The following MCC variants were observed in gnomAD, a reference collection of about 807,000 sequenced individuals.
MCC encodes colorectal mutant cancer protein.
Under a neutral mutation model 116.2 loss-of-function variants are expected in MCC, and 90 were observed. The ratio of observed to expected loss-of-function variants is 0.77; its 90% CI spans 0.65 to 0.92. The LOEUF (loss-of-function observed/expected upper bound fraction) is 0.92, where lower values mean the gene tolerates loss of function less well. Ranked by LOEUF, MCC falls within the 40% of genes least tolerant of loss-of-function variation. MCC has a pLI of 0.00. For missense variants in MCC, 1,516 were observed against 1,312.2 expected (o/e 1.16, Z -2.40); for synonymous variants, 578 against 510.5 (o/e 1.13, Z -1.78).
intron 3 of MCC, among the ~76,000 whole-genome samples, chr5:113,309,142 C>G (rs1352100696): frequency 1.3e-5 from 2 of 152,222 alleles, no homozygotes; most frequent in African/African-American, 4.8e-5. Context: ...TCAACATCCC[C>G]CAACTCCTTT....
intron 2 of MCC, among the ~76,000 whole-genome samples, chr5:113,372,612 A>T (rs897344866): frequency 1.3e-5 from 2 of 152,226 alleles, no homozygotes; most frequent in African/African-American, 4.8e-5. Flanking sequence ...AATAGAATAT[A>T]ACATCATAAG....
intron 1 of MCC, among the ~76,000 whole-genome samples, chr5:113,446,061 T>G (rs1312505163): frequency 3.3e-5 from 5 of 152,240 alleles, no homozygotes; most frequent in Non-Finnish European, 7.3e-5. Context: ...AGAATTCAAC[T>G]GAACCCCTAC....
intron 5 of MCC, among the ~76,000 whole-genome samples, chr5:113,126,329 A>G (rs1758050264): frequency 6.6e-6 from 1 of 152,230 alleles, no homozygotes; most frequent in South Asian, 2.1e-4. Context: ...AGCCAGGACC[A>G]CTACCTTTAT....
intron 1 of MCC, among the ~76,000 whole-genome samples, chr5:113,480,297 T>A (rs898693761): frequency 6.6e-6 from 1 of 152,238 alleles, no homozygotes; most frequent in Non-Finnish European, 1.5e-5. Context: ...ATTTCACTGA[T>A]AACTTCAGTT....
At chr5:113,426,082 C>T (rs1207439252) in intron 1 of MCC, among the ~76,000 whole-genome samples, 1 of 152,060 alleles carries the variant, frequency 6.6e-6, no homozygotes, top group Non-Finnish European at 1.5e-5. Context: ...GTTTCCAAGG[C>T]AGGCAGCCAG....
chr5:113,256,102 CCAAA>C (rs1278972201), intron 3 of MCC, among the ~76,000 whole-genome samples: 1 of 152,126 alleles, frequency 6.6e-6, no homozygotes, highest in Admixed American at 6.6e-5. Context: ...TCACCACACC[CCAAA>C]CAAATTGAAT....
chr5:113,170,702 TTATTA>T (rs1433952503), intron 3 of MCC, among the ~76,000 whole-genome samples: 1 of 152,302 alleles, frequency 6.6e-6, no homozygotes, highest in Middle Eastern at 3.4e-3. Context: ...CTAACATACT[TTATTA>T]TGTTTGCCTC....
chr5:113,186,680 A>G (rs1470144815), intron 3 of MCC, among the ~76,000 whole-genome samples: 5 of 152,120 alleles, frequency 3.3e-5, no homozygotes, highest in African/African-American at 1.2e-4. Context: ...ACTAGAGAAA[A>G]CATCTACCTA....
intron 3 of MCC, among the ~76,000 whole-genome samples, chr5:113,189,379 G>C (rs764428597): frequency 1.3e-5 from 2 of 152,200 alleles, no homozygotes; most frequent in Non-Finnish European, 2.9e-5. Flanking sequence ...TTAAACAGAA[G>C]AGAATGCTGC....
chr5:113,091,285 A>T (rs1280002071), intron 8 of MCC, among the ~76,000 whole-genome samples: 1 of 152,242 alleles, frequency 6.6e-6, no homozygotes, highest in Non-Finnish European at 1.5e-5. Context: ...ACTGCCTCAG[A>T]AACTGCCTAA....
intron 3 of MCC, among the ~76,000 whole-genome samples, chr5:113,173,348 A>G (rs187366859): frequency 1.3e-5 from 2 of 152,290 alleles, no homozygotes; most frequent in East Asian, 3.9e-4. Flanking sequence ...TGTACTTTTC[A>G]TTTATTGTTT....
chr5:113,050,181 T>C (rs1378088760), intron 15 of MCC, among the ~76,000 whole-genome samples: 1 of 152,214 alleles, frequency 6.6e-6, no homozygotes, highest in African/African-American at 2.4e-5. Context: ...TGCTTATGGC[T>C]ACTGGGTAAG....
intron 6 of MCC, among the ~76,000 whole-genome samples, chr5:113,104,798 G>A (rs185157041): frequency 6.6e-6 from 1 of 152,240 alleles, no homozygotes; most frequent in Non-Finnish European, 1.5e-5. Context: ...AACTGTGTAA[G>A]AGATAGTCCT....
chr5:113,415,871 C>G (rs255873), intron 1 of MCC, among the ~76,000 whole-genome samples: 68,840 of 151,766 alleles, frequency 0.45, 17,496 homozygotes, highest in African/African-American at 0.69. Context: ...AGAATTTTCA[C>G]CTTTTCTGCT....
chr5:113,059,752 C>T (rs1246749321), intron 14 of MCC, among the ~76,000 whole-genome samples: 1 of 152,242 alleles, frequency 6.6e-6, no homozygotes, highest in Non-Finnish European at 1.5e-5. Flanking sequence ...TGCATCTGTT[C>T]ATTGCCAGCA....
At chr5:113,287,584 C>T (rs1438742739) in intron 3 of MCC, among the ~76,000 whole-genome samples, 2 of 152,190 alleles carry the variant, frequency 1.3e-5, no homozygotes, top group African/African-American at 4.8e-5. Context: ...CTCAGCCTCC[C>T]AAAGTGCTGG....
chr5:113,187,018 T>G lies in MCC; in HGVS notation c.628-35596A>C, dbSNP rs925696836. Among the ~76,000 whole-genome samples, 43 of 152,144 alleles carry G rather than the reference T, an allele frequency of 2.8e-4. 1 individual carries two copies. ...TCCTACTTTAGCAGAAATCCTACTTTAGGAAAGTTTTCAGGAAGTGCTGGC... is the reference window on the plus strand; with the variant it reads ...TCCTACTTTAGCAGAAATCCTACTTGAGGAAAGTTTTCAGGAAGTGCTGGC... On this transcript the variant is annotated intron_variant, in intron 3 of 18. Coordinates refer to ENST00000408903, the MANE Select transcript of MCC (RefSeq NM_001085377.2).
intron 1 of MCC, among the ~76,000 whole-genome samples, chr5:113,472,018 A>G (rs1167732831): frequency 2.0e-5 from 3 of 152,106 alleles, no homozygotes; most frequent in Non-Finnish European, 4.4e-5. Context: ...GGAAAAGTGC[A>G]GTATTAGGGT....
At chr5:113,039,243 G>A (rs534665543) in intron 17 of MCC, among the ~76,000 whole-genome samples, 2 of 152,186 alleles carry the variant, frequency 1.3e-5, no homozygotes, top group African/African-American at 2.4e-5. Flanking sequence ...TTAAAGACGA[G>A]ATCTCGCTAT....
Sources: gnomAD v4.1 joint callset for allele counts (sites outside exome capture counted in the v4.1 genomes callset) on GRCh38, gnomAD v4.1.1 for gene constraint, MANE v1.5 for transcripts, NCBI Gene and HGNC (gene_info 2026-07-23, HGNC 2026-07-21) for gene names.